The following CSTL1 variants were observed in gnomAD, a reference collection of about 807,000 sequenced individuals.
CSTL1 encodes cystatin like 1.
A neutral mutation model predicts 14.4 loss-of-function variants in CSTL1; 14 were observed. The ratio of observed to expected loss-of-function variants is 0.97; its 90% CI spans 0.64 to 1.52. CSTL1 has a LOEUF of 1.52. CSTL1 is among the 40% of genes most tolerant of loss of function. The pLI is 0.00. For synonymous variants in CSTL1, 72 were observed against 67.5 expected, an observed-to-expected ratio of 1.07 and a Z score of -0.33; for missense variants, 170 against 168.7, an observed-to-expected ratio of 1.01 and a Z score of -0.04.
the CSTL1 span, among the ~76,000 whole-genome samples, chr20:23,457,195 C>A: frequency 5.9e-5 from 9 of 152,152 alleles, no homozygotes; most frequent in Non-Finnish European, 1.3e-4. Flanking sequence ...TCAGTTCCTT[C>A]TCTGCTCTGG....
downstream of CSTL1, among the ~76,000 whole-genome samples, chr20:23,446,068 T>C (rs1218302413): frequency 6.6e-6 from 1 of 152,124 alleles, no homozygotes; most frequent in Non-Finnish European, 1.5e-5. Context: ...GCCTGGCACG[T>C]GCCAAAATTC....
In CSTL1 at chr20:23,440,010, C is replaced by T. The variant is rs568013055; in HGVS notation, c.-124-134C>T. The T allele has an allele frequency of 3.2e-4, 156 of 489,078 alleles. 1 individual carries two copies. Among genetic ancestry groups the T allele is most frequent in the African/African-American group, 2.6e-3 (133 of 51,606 alleles). 30.3% of individuals were successfully genotyped at this position (489,078 alleles called of 1,614,324 possible). A position where few individuals can be genotyped will look rare whatever the true frequency, so the allele number is the denominator to read the frequency against. Reference sequence around the variant, plus strand: ...GTGAAGGCAGGGAGAGGGGCTTGCACGCCTTAGCAGGTGTTTAAAAATTTT... The same window carrying T: ...GTGAAGGCAGGGAGAGGGGCTTGCATGCCTTAGCAGGTGTTTAAAAATTTT... On this transcript the variant is annotated intron_variant, in intron 1 of 3. Transcript: ENST00000347397.
At chr20:23,441,903 G>A (rs930800040) in intron 2 of CSTL1, among the ~76,000 whole-genome samples, 1 of 152,176 alleles carries the variant, frequency 6.6e-6, no homozygotes, top group African/African-American at 2.4e-5. Flanking sequence ...AGAGAGAACC[G>A]GCAAGGCGGG....
chr20:23,452,990 G>A, the CSTL1 span: 2 of 604,768 alleles, frequency 3.3e-6, no homozygotes, highest in Non-Finnish European at 5.9e-6. Flanking sequence ...AGCAGCAAGA[G>A]ACTGTGCAAT....
chr20:23,453,349 A>G, the CSTL1 span, among the ~76,000 whole-genome samples: 1 of 152,144 alleles, frequency 6.6e-6, no homozygotes, highest in Non-Finnish European at 1.5e-5. Flanking sequence ...AAAGGTGTGA[A>G]GGGAGGGAGA....
downstream of CSTL1, among the ~76,000 whole-genome samples, chr20:23,445,946 G>T (rs533726591): frequency 6.6e-6 from 1 of 152,296 alleles, no homozygotes; most frequent in East Asian, 1.9e-4. Context: ...CCGTCACACA[G>T]AGCACGCTCA....
At chr20:23,452,046 C>T in the CSTL1 span, 1 of 612,734 alleles carries the variant, frequency 1.6e-6, no homozygotes, top group South Asian at 2.0e-5. Flanking sequence ...GATTAGCGGG[C>T]TCCTCTCTCC....
the CSTL1 span, among the ~76,000 whole-genome samples, chr20:23,458,876 T>G: frequency 6.6e-6 from 1 of 152,166 alleles, no homozygotes; most frequent in Non-Finnish European, 1.5e-5. Context: ...CTAGACCATT[T>G]GGCCTCTTCT....
At chr20:23,449,480 G>GT (rs1324503438), downstream of CSTL1, among the ~76,000 whole-genome samples, 1 of 152,086 alleles carries the variant, frequency 6.6e-6, no homozygotes, top group Admixed American at 6.6e-5. Context: ...TAAACCCAAG[G>GT]CTTTTGCTTG....
downstream of CSTL1, chr20:23,445,064 C>T: frequency 1.6e-6 from 1 of 641,468 alleles, no homozygotes; most frequent in South Asian, 1.8e-5. Flanking sequence ...CACCCTCACA[C>T]TCTCACCACT....
downstream of CSTL1, among the ~76,000 whole-genome samples, chr20:23,449,883 G>A (rs1203932383): frequency 2.0e-5 from 3 of 152,264 alleles, no homozygotes; most frequent in East Asian, 1.9e-4. Context: ...AGACAGACCT[G>A]GTTTGGTCCA....
the CSTL1 span, among the ~76,000 whole-genome samples, chr20:23,453,748 A>G: frequency 6.6e-6 from 1 of 152,246 alleles, no homozygotes; most frequent in South Asian, 2.1e-4. Context: ...GGCACACCCA[A>G]CGCCTGTTTC....
At chr20:23,446,177 T>TATC (rs1986962003), downstream of CSTL1, among the ~76,000 whole-genome samples, 1 of 152,138 alleles carries the variant, frequency 6.6e-6, no homozygotes, top group African/African-American at 2.4e-5. Context: ...AAAAGTTTTC[T>TATC]ATCAGTGTAG....
Position 23,440,472 on chromosome 20 carries a change from C to A in CSTL1, c.205C>A (p.Arg69=). ...TYLYRVQRLI[R]SQMQLTTGVE... ...CTTATATCGAGTCCAGAGGCTAATT[C>A]GAAGTCAGATGCAGGTTTGTACCTT... The change falls in exon 2 of 4, where the codon CGA becomes AGA. Residue 69 remains arginine, a synonymous_variant. Transcript: ENST00000347397. The A allele has an allele frequency of 1.9e-6, 3 of 1,612,852 alleles. No homozygotes were observed. The highest frequency in any genetic ancestry group is 2.5e-6 in the Non-Finnish European group (3 of 1,178,922).
At position 23,440,262 on chromosome 20, in the gene CSTL1, G is replaced by A. The variant is rs572734492; in HGVS notation, c.-6G>A. 1.9e-6 allele frequency: 3 copies of A among 1,613,916 alleles called. No homozygotes were observed. Among genetic ancestry groups the A allele is most frequent in the East Asian group, 2.2e-5 (1 of 44,876 alleles). The stretch of plus-strand genomic sequence containing the variant: ...AGTTGGGAAGAAAGTTTCTGAGGCT[G>A]TAGACATGGGGATCGGATGCTGGAG... On this transcript the variant is annotated 5_prime_UTR_variant, in exon 2 of 4. Coordinates refer to ENST00000347397, the MANE Select transcript of CSTL1 (RefSeq NM_138283.1).
chr20:23,450,297 C>T, the CSTL1 span: 2 of 434,446 alleles, frequency 4.6e-6, no homozygotes, highest in Admixed American at 7.8e-5. Flanking sequence ...ATGTAGGTCA[C>T]CTCATTTGGA....
intron 2 of CSTL1, 51 bp from the exon 3 acceptor site, chr20:23,443,883 A>G (rs1986898756): frequency 7.3e-7 from 1 of 1,360,616 alleles, no homozygotes; most frequent in East Asian, 2.3e-5. Context: ...GGAGAGGGTC[A>G]GCCACTGGAT....
the CSTL1 span, among the ~76,000 whole-genome samples, chr20:23,455,943 G>C: frequency 6.6e-6 from 1 of 151,988 alleles, no homozygotes; most frequent in African/African-American, 2.4e-5. Flanking sequence ...TTTTCTTCTT[G>C]TTATTCCCTC....
At chr20:23,458,863 T>C in the CSTL1 span, among the ~76,000 whole-genome samples, 1 of 152,110 alleles carries the variant, frequency 6.6e-6, no homozygotes, top group Non-Finnish European at 1.5e-5. Context: ...TTCCTCACCT[T>C]CCCTAGACCA....
Sources: gnomAD v4.1 joint callset for allele counts (sites outside exome capture counted in the v4.1 genomes callset) on GRCh38, gnomAD v4.1.1 for gene constraint, MANE v1.5 for transcripts, NCBI Gene and HGNC (gene_info 2026-07-23, HGNC 2026-07-21) for gene names.